The following MED6 variants were observed in gnomAD, a reference collection of about 807,000 sequenced individuals.
The protein encoded by MED6 is mediator complex subunit 6.
A neutral mutation model predicts 37.5 loss-of-function variants in MED6; 33 were observed. The observed-to-expected ratio is 0.88, with a 90% CI of 0.67 to 1.18. The LOEUF (loss-of-function observed/expected upper bound fraction) is 1.18, where lower values mean the gene tolerates loss of function less well. Ranked by LOEUF, MED6 falls within the 50% of genes most tolerant of loss-of-function variation. MED6 has a pLI of 0.00. For missense variants in MED6, 235 were observed against 290.6 expected (o/e 0.81, Z 1.39); for synonymous variants, 94 against 93.6 (o/e 1.00, Z -0.02).
intron 2 of MED6, 22 bp downstream of exon 2, chr14:70,597,596 C>G: frequency 7.0e-7 from 1 of 1,435,852 alleles, no homozygotes; most frequent in Non-Finnish European, 9.1e-7. Context: ...GGAAAAAGTG[C>G]CACCTTCTTA....
rs752431742 is a variant in MED6 at position 70,597,723 on chromosome 14, C to G, written c.77G>C (p.Ser26Thr). The change falls in exon 2 of 8, where the codon AGT becomes ACT. Residue 26 changes from serine (S) to threonine (T), a missense_variant. Coordinates refer to ENST00000256379, the MANE Select transcript of MED6 (RefSeq NM_005466.4). The part of the protein sequence containing the change: ...VDSSWIPILN[S>T]GSVLDYFSER... ...TGAAAAGTAATCCAGGACACTACCACTGTTCAAAATAGGGATCCAAGAGCT... is the reference window on the plus strand; with the variant it reads ...TGAAAAGTAATCCAGGACACTACCAGTGTTCAAAATAGGGATCCAAGAGCT... 1 of 1,561,958 alleles carries G rather than the reference C, an allele frequency of 6.4e-7. No individual in the cohort carries two copies. The highest frequency in any genetic ancestry group is 8.6e-7 in the Non-Finnish European group (1 of 1,163,808).
At position 70,584,136 on chromosome 14, in the gene MED6, C is replaced by T. The variant is rs747943903; in HGVS notation, c.*677G>A. The T allele has an allele frequency of 1.3e-6, 1 of 741,706 alleles. No homozygotes were observed. The highest frequency in any genetic ancestry group is 2.4e-6 in the Non-Finnish European group (1 of 410,044). The allele number at this position is 741,706 out of a possible 1,614,324, so 45.9% of individuals were successfully genotyped here. A position where few individuals can be genotyped will look rare whatever the true frequency, so the allele number is the denominator to read the frequency against. ...TAATACTGAGGATTATGTAACTGAACAAAAAGAAATATGCTTAGTTACTAC... is the reference window on the plus strand; with the variant it reads ...TAATACTGAGGATTATGTAACTGAATAAAAAGAAATATGCTTAGTTACTAC... On this transcript the variant is annotated 3_prime_UTR_variant, in exon 8 of 8. Coordinates refer to ENST00000256379, the MANE Select transcript of MED6 (RefSeq NM_005466.4).
chr14:70,593,701 C>G (rs536186525), intron 3 of MED6, among the ~76,000 whole-genome samples: 1 of 152,246 alleles, frequency 6.6e-6, no homozygotes, highest in East Asian at 1.9e-4. Context: ...TCTGAATTAC[C>G]TGGGGACCTT....
intron 7 of MED6, among the ~76,000 whole-genome samples, chr14:70,585,290 GA>G (rs1292261049): frequency 6.6e-6 from 1 of 152,142 alleles, no homozygotes; most frequent in African/African-American, 2.4e-5. Flanking sequence ...ATTTGATGAA[GA>G]AACCTCGAAT....
chr14:70,585,762 C>A lies in MED6; in HGVS notation c.604G>T (p.Val202Phe), dbSNP rs755076508. 6.2e-7 allele frequency: 1 copy of A among 1,601,214 alleles called. No individual in the cohort carries two copies. The highest frequency in any genetic ancestry group is 1.1e-5 in the South Asian group (1 of 87,888). ...FVQLKPGEKP[V>F]PVDQTKKEAE... ...AATATTACATGAACCATACCTGGAA[C>A]AGGCTTTTCTCCAGGCTTTAGCTAT... Residue 202 changes from valine (V) to phenylalanine (F), a missense_variant, in exon 7 of 8, where the codon GTT becomes TTT. Val to Phe is a conservative substitution (Grantham distance 50). Coordinates refer to ENST00000256379, the MANE Select transcript of MED6 (RefSeq NM_005466.4).
At chr14:70,587,890 A>G (rs1431550825) in intron 6 of MED6, among the ~76,000 whole-genome samples, 1 of 152,250 alleles carries the variant, frequency 6.6e-6, no homozygotes, top group East Asian at 1.9e-4. Flanking sequence ...AGTAACAAGA[A>G]TTAAAATATG....
At chr14:70,599,462 G>A (rs1885141339) in intron 1 of MED6, among the ~76,000 whole-genome samples, 1 of 152,036 alleles carries the variant, frequency 6.6e-6, no homozygotes, top group South Asian at 2.1e-4. Flanking sequence ...AGCCAATGTA[G>A]TCCTAAAAAA....
At chr14:70,595,085 T>G (rs1288304848) in intron 3 of MED6, 2 of 541,008 alleles carry the variant, frequency 3.7e-6, no homozygotes, top group East Asian at 4.7e-5. Flanking sequence ...TATCAGTCTG[T>G]GGAGAGCAAC....
rs373976329 is a variant in MED6 at position 70,585,753 on chromosome 14, T to C, written c.610+3A>G. The C allele has an allele frequency of 4.4e-6, 7 of 1,599,898 alleles. No homozygotes were observed. In the African/African-American group the frequency reaches 5.4e-5, roughly 12 times the overall value. ...CGTAATAAGAATATTACATGAACCA[T>C]ACCTGGAACAGGCTTTTCTCCAGGC... On this transcript the variant is annotated splice_donor_region_variant and intron_variant, in intron 7 of 7. Transcript: ENST00000256379.
At chr14:70,588,740 AATT>A (rs1430159030) in intron 6 of MED6, among the ~76,000 whole-genome samples, 4 of 131,396 alleles carry the variant, frequency 3.0e-5, no homozygotes, top group East Asian at 2.3e-4. Flanking sequence ...TAATAATAAT[AATT>A]GGGAGGAAGT....
chr14:70,596,337 A>G (rs919129882), intron 3 of MED6: 33 of 289,626 alleles, frequency 1.1e-4, no homozygotes, highest in Non-Finnish European at 9.9e-5. Context: ...GGAAAGCATA[A>G]GAAACTTGCA....
At chr14:70,595,899 A>T (rs1885030855) in intron 3 of MED6, 1 of 542,624 alleles carries the variant, frequency 1.8e-6, no homozygotes, top group Non-Finnish European at 3.3e-6. Context: ...AAAACAAAAC[A>T]AAATTACTTG....
At chr14:70,593,110 ATAAT>A in intron 4 of MED6, 122 bp from the exon 5 acceptor site, 1 of 1,379,196 alleles carries the variant, frequency 7.3e-7, no homozygotes, top group Non-Finnish European at 9.9e-7. Flanking sequence ...AAATTACTAT[ATAAT>A]TGAGACTATG....
At chr14:70,593,185 C>A in intron 4 of MED6, 111 bp downstream of exon 4, 1 of 1,232,410 alleles carries the variant, frequency 8.1e-7, no homozygotes, top group Non-Finnish European at 1.2e-6. Context: ...TTCTAATAGT[C>A]AATACTTTAT....
At position 70,600,610 on chromosome 14, in the gene MED6, G is replaced by T. The variant is rs767440094; in HGVS notation, c.22+6C>A. The T allele has an allele frequency of 6.2e-7, 1 of 1,613,258 alleles. No individual in the cohort carries two copies. The highest frequency in any genetic ancestry group is 1.7e-5 in the Admixed American group (1 of 59,902). On this transcript the variant is annotated splice_donor_region_variant and intron_variant, in intron 1 of 7. Coordinates refer to ENST00000256379, the MANE Select transcript of MED6 (RefSeq NM_005466.4). ...TCAAGAGACAAAATATAGCAATACA[G>T]TATACCTCGGATATCCACCGCCGCC...
chr14:70,592,257 A>G (rs17176306), intron 5 of MED6, among the ~76,000 whole-genome samples: 7,770 of 152,240 alleles, frequency 0.051, 256 homozygotes, highest in Middle Eastern at 0.099. Flanking sequence ...AGCAGATTAC[A>G]TGGAAACTTG....
chr14:70,590,920 A>G (rs1408647503), intron 6 of MED6, among the ~76,000 whole-genome samples: 1 of 152,226 alleles, frequency 6.6e-6, no homozygotes, highest in Non-Finnish European at 1.5e-5. Context: ...CTACTACATC[A>G]GGCTGGAAGG....
chr14:70,594,995 A>G (rs1489457029), intron 3 of MED6: 4 of 585,512 alleles, frequency 6.8e-6, no homozygotes, highest in Non-Finnish European at 1.4e-5. Context: ...AGTACTGTGG[A>G]CAATGCCCAC....
chr14:70,600,551 C>T (rs938052867), intron 1 of MED6, 65 bp downstream of exon 1: 5 of 1,583,580 alleles, frequency 3.2e-6, no homozygotes, highest in Non-Finnish European at 4.3e-6. Flanking sequence ...CTTGAAACCG[C>T]GAGCTATAAC....
Sources: allele counts gnomAD v4.1 joint callset (sites outside exome capture counted in the v4.1 genomes callset), GRCh38; gene constraint gnomAD v4.1.1; transcripts MANE v1.5; gene names NCBI Gene and HGNC (gene_info 2026-07-23, HGNC 2026-07-21).